The following TBCB variants were observed in gnomAD, a reference collection of about 807,000 sequenced individuals.
TBCB encodes the protein tubulin folding cofactor B, also known as tubulin-folding cofactor B.
Under a neutral mutation model 29.2 loss-of-function variants are expected in TBCB, and 18 were observed. The observed-to-expected ratio is 0.62, with a 90% confidence interval of 0.43 to 0.91. The LOEUF is 0.91. Among genes scored for constraint, TBCB ranks in the 40% least tolerant of loss-of-function variants. The probability of loss-of-function intolerance (pLI) is 0.00; values close to 1 mark genes in which losing one functional copy is unlikely to be tolerated. For synonymous variants in TBCB, 172 were observed against 137.8 expected (o/e 1.25, Z -1.74); for missense variants, 336 against 337.6 (o/e 1.00, Z 0.04).
chr19:36,123,726 T>G (rs569461772), intron 4 of TBCB, among the ~76,000 whole-genome samples: 67 of 152,198 alleles, frequency 4.4e-4, no homozygotes, highest in Non-Finnish European at 7.9e-4. Flanking sequence ...AATTCAAAAA[T>G]TAACTGGGCG....
intron 4 of TBCB, among the ~76,000 whole-genome samples, chr19:36,123,254 CTTTTTTTT>C (rs201890657): frequency 3.0e-5 from 4 of 131,444 alleles, no homozygotes; most frequent in Non-Finnish European, 1.6e-5. Context: ...GAACCTTCTT[CTTTTTTTT>C]TTTTTTTTTT....
chr19:36,120,555 CCCTT>C, intron 2 of TBCB, 151 bp from the exon 3 acceptor site: 1 of 610,694 alleles, frequency 1.6e-6, no homozygotes, highest in East Asian at 2.9e-5. Context: ...AGCTACTTCT[CCCTT>C]CCGCTGGGCT....
At chr19:36,121,993 G>T in intron 4 of TBCB, 1 of 538,150 alleles carries the variant, frequency 1.9e-6, no homozygotes, top group South Asian at 2.1e-5. Flanking sequence ...GCTTCGAAGC[G>T]TGGGGCAGTG....
At chr19:36,125,589 C>T in intron 5 of TBCB, 66 bp downstream of exon 5, 3 of 1,609,174 alleles carry the variant, frequency 1.9e-6, no homozygotes, top group Non-Finnish European at 2.6e-6. Flanking sequence ...GTGCTGCTTG[C>T]TGAGCTGCCC....
chr19:36,115,739 G>A (rs1973939211), intron 1 of TBCB, 65 bp downstream of exon 1: 2 of 1,223,256 alleles, frequency 1.6e-6, no homozygotes, highest in Admixed American at 2.0e-5. Flanking sequence ...CCGGAAGGGG[G>A]AGGCTGGGAG....
intron 2 of TBCB, among the ~76,000 whole-genome samples, chr19:36,117,414 A>G (rs760716904): frequency 9.9e-5 from 15 of 152,198 alleles, no homozygotes; most frequent in Non-Finnish European, 1.8e-4. Flanking sequence ...GTGTGATCTC[A>G]GCTCACTGCA....
intron 2 of TBCB, 55 bp downstream of exon 2, chr19:36,116,239 A>C: frequency 1.9e-6 from 3 of 1,597,536 alleles, no homozygotes; most frequent in Admixed American, 1.7e-5. Flanking sequence ...TTGGTTATTC[A>C]ACAGACACTT....
chr19:36,124,898 C>G (rs1254479070), intron 4 of TBCB, among the ~76,000 whole-genome samples: 1 of 152,126 alleles, frequency 6.6e-6, no homozygotes, highest in Non-Finnish European at 1.5e-5. Context: ...GATCGTGGCT[C>G]ACTGCAGCCT....
At chr19:36,125,281 G>A (rs1015667677) in intron 4 of TBCB, among the ~76,000 whole-genome samples, 170 bp from the exon 5 acceptor site, 6 of 152,212 alleles carry the variant, frequency 3.9e-5, no homozygotes, top group Admixed American at 6.6e-5. Context: ...TATTAGTCCC[G>A]GCAGGAGCTG....
intron 4 of TBCB, among the ~76,000 whole-genome samples, chr19:36,122,803 C>A (rs1974078180): frequency 6.7e-6 from 1 of 150,204 alleles, no homozygotes; most frequent in South Asian, 2.1e-4. Flanking sequence ...TGTATTGTTA[C>A]ATGGGTGTGT....
At chr19:36,125,067 A>G (rs1279862327) in intron 4 of TBCB, among the ~76,000 whole-genome samples, 2 of 152,186 alleles carry the variant, frequency 1.3e-5, no homozygotes, top group Admixed American at 1.3e-4. Context: ...TCACTGAGCA[A>G]CTTAAAGTTA....
At chr19:36,125,580 T>C (rs1371781991) in intron 5 of TBCB, 57 bp downstream of exon 5, 10 of 1,611,450 alleles carry the variant, frequency 6.2e-6, no homozygotes, top group Non-Finnish European at 8.5e-6. Flanking sequence ...AGTCCATGCG[T>C]GCTGCTTGCT....
rs553990836 is a variant in TBCB at position 36,116,363 on chromosome 19, G to T, written c.258+179G>T. 4.5e-4 allele frequency: 353 copies of T among 790,702 alleles called. 6 individuals are homozygous for T. The East Asian group carries it at 0.01, about 23-fold the overall frequency. 49.0% of individuals were successfully genotyped at this position (790,702 alleles called of 1,614,324 possible). ...GACAGGGACAGCCTAGAGTGGTCTG[G>T]GCTGGGATCAGGAAATCCCAGGGGA... On this transcript the variant is annotated intron_variant, in intron 2 of 5. Transcript: ENST00000221855.
At chr19:36,120,614 C>G in intron 2 of TBCB, 96 bp from the exon 3 acceptor site, 2 of 1,006,892 alleles carry the variant, frequency 2.0e-6, no homozygotes, top group Non-Finnish European at 3.1e-6. Context: ...GAGGGAGATG[C>G]GTTTTTCCCA....
At position 36,115,671 on chromosome 19, in the gene TBCB, C is replaced by G. The variant is rs766568555; in HGVS notation, c.111C>G (p.Phe37Leu). Residue 37 changes from phenylalanine (F) to leucine (L), a missense_variant, in exon 1 of 6, where the codon TTC becomes TTG. Phe to Leu is a conservative substitution (Grantham distance 22, BLOSUM62 0). Transcript: ENST00000221855. The stretch of plus-strand genomic sequence containing the variant: ...GCCGCAGCCTCACCATCGCTGAGTT[C>G]AAGGTGTGGCCATGGGGGCGGGGTC... ...RYSRSLTIAE[F>L]KCKLELLVGS... is the part of the protein sequence containing the mutation. 1.3e-6 allele frequency: 2 copies of G among 1,541,666 alleles called. No homozygotes were observed. Among genetic ancestry groups the G allele is most frequent in the Admixed American group, 1.8e-5 (1 of 55,112 alleles).
At chr19:36,118,190 A>T in intron 2 of TBCB, among the ~76,000 whole-genome samples, 1 of 152,162 alleles carries the variant, frequency 6.6e-6, no homozygotes, top group Non-Finnish European at 1.5e-5. Flanking sequence ...GTGTTGTGCC[A>T]GGGGTTTCAT....
chr19:36,117,725 T>G (rs767210100), intron 2 of TBCB: 1 of 152,132 alleles, frequency 6.6e-6, no homozygotes, highest in Non-Finnish European at 1.5e-5. Flanking sequence ...ATCCCCATTT[T>G]GCAGAAGAGA....
chr19:36,115,489 G>C lies in TBCB; in HGVS notation c.-72G>C. 2.6e-6 allele frequency: 3 copies of C among 1,162,918 alleles called. No homozygotes were observed. Among genetic ancestry groups the C allele is most frequent in the Non-Finnish European group, 2.5e-6 (2 of 807,308 alleles). The allele number at this position is 1,162,918 out of a possible 1,614,324, so 72.0% of individuals were successfully genotyped here. ...CGGGGCTGATAGCCCAGCAGCAGCA[G>C]CGGCGGCGGCGGCTGCGGAGCGGGT... On this transcript the variant is annotated 5_prime_UTR_variant, in exon 1 of 6. Transcript: ENST00000221855.
chr19:36,115,183 G>A (rs979435152), upstream of TBCB: 7 of 546,214 alleles, frequency 1.3e-5, no homozygotes, highest in Non-Finnish European at 1.9e-5. Flanking sequence ...AAGCCAAGGC[G>A]CTTGGCTTGG....
Sources: allele counts gnomAD v4.1 joint callset (sites outside exome capture counted in the v4.1 genomes callset), GRCh38; gene constraint gnomAD v4.1.1; transcripts MANE v1.5; gene names NCBI Gene and HGNC (gene_info 2026-07-23, HGNC 2026-07-21).